ATP8A1: variants seen among roughly 807,000 people sequenced by gnomAD.
The protein encoded by ATP8A1 is ATPase phospholipid transporting 8A1.
Under a neutral mutation model 177.7 loss-of-function variants are expected in ATP8A1, and 90 were observed. That is an observed-to-expected ratio of 0.51 (90% confidence interval 0.43 to 0.60). The LOEUF (loss-of-function observed/expected upper bound fraction) is 0.60. Ranked by LOEUF, ATP8A1 falls within the 20% of genes least tolerant of loss-of-function variation. ATP8A1 has a pLI of 0.00. For synonymous variants in ATP8A1, 493 were observed against 485.9 expected, an observed-to-expected ratio of 1.01 and a Z score of -0.19; for missense variants, 1,072 against 1,392.8, an observed-to-expected ratio of 0.77 and a Z score of 3.67.
chr4:42,461,810 G>C (rs149335983), intron 27 of ATP8A1, among the ~76,000 whole-genome samples: 1 of 152,328 alleles, frequency 6.6e-6, no homozygotes, highest in Non-Finnish European at 1.5e-5. Flanking sequence ...ACTCCCTAGA[G>C]ACTTGTTGAA....
At position 42,565,722 on chromosome 4, in the gene ATP8A1, T is replaced by C. The variant is rs61089129; in HGVS notation, c.1340+3439A>G. 7.0e-3 allele frequency among the ~76,000 whole-genome samples: 1,069 copies of C among 152,350 alleles called. 10 individuals carry two copies. Among genetic ancestry groups the C allele is most frequent in the African/African-American group, 0.025 (1,033 of 41,568 alleles). ...CATAAATGAACTGGTCTTAAGTGCA[T>C]ATTATTGAAGCAGGTGGATCAGTAC... On this transcript the variant is annotated intron_variant, in intron 15 of 36. Coordinates refer to ENST00000381668, the MANE Select transcript of ATP8A1 (RefSeq NM_006095.2).
chr4:42,648,602 T>C (rs1222874132), intron 1 of ATP8A1, among the ~76,000 whole-genome samples: 1 of 151,616 alleles, frequency 6.6e-6, no homozygotes, highest in Non-Finnish European at 1.5e-5. Flanking sequence ...AAAAGAAAAA[T>C]ATAATTGAAA....
intron 20 of ATP8A1, among the ~76,000 whole-genome samples, chr4:42,541,073 C>T (rs878928758): frequency 1.3e-5 from 2 of 152,028 alleles, no homozygotes; most frequent in Admixed American, 1.3e-4. Context: ...TTATAGTGTG[C>T]TATGATCACA....
rs115616791 is a variant in ATP8A1, at chr4:42,449,540, G to C, written c.2896+2441C>G. On this transcript the variant is annotated intron_variant, in intron 30 of 36. Coordinates refer to ENST00000381668, the MANE Select transcript of ATP8A1 (RefSeq NM_006095.2). ...TACACAGCATGTGTAAAGTTCTTCA[G>C]TATCCCCATCCTTTCAGAAATCAAA... 6.5e-3 allele frequency among the ~76,000 whole-genome samples: 996 copies of C among 152,234 alleles called. 19 individuals are homozygous for C. Among genetic ancestry groups the C allele is most frequent in the African/African-American group, 0.022 (928 of 41,520 alleles).
At chr4:42,577,746 G>A (rs1196294920) in intron 12 of ATP8A1, among the ~76,000 whole-genome samples, 2 of 152,084 alleles carry the variant, frequency 1.3e-5, no homozygotes, top group African/African-American at 2.4e-5. Flanking sequence ...TGTTTACAGT[G>A]TAGAAAATAA....
At chr4:42,515,650 C>A (rs774139768) in intron 22 of ATP8A1, among the ~76,000 whole-genome samples, 2 of 152,170 alleles carry the variant, frequency 1.3e-5, no homozygotes, top group Non-Finnish European at 2.9e-5. Context: ...TATCTCAGTG[C>A]CCAGGGCACT....
chr4:42,585,167 C>T (rs938669823), intron 9 of ATP8A1, among the ~76,000 whole-genome samples: 3 of 152,070 alleles, frequency 2.0e-5, no homozygotes, highest in African/African-American at 7.2e-5. Context: ...CTCATCATTG[C>T]TCAAATGTTA....
chr4:42,588,409 C>T, intron 7 of ATP8A1, 80 bp from the exon 8 acceptor site: 2 of 1,169,078 alleles, frequency 1.7e-6, no homozygotes, highest in Non-Finnish European at 2.5e-6. Flanking sequence ...TGCTCAGACT[C>T]ACTAAAGCCT....
intron 33 of ATP8A1, among the ~76,000 whole-genome samples, chr4:42,424,328 A>G (rs900454900): frequency 2.0e-5 from 3 of 152,082 alleles, no homozygotes; most frequent in African/African-American, 7.2e-5. Flanking sequence ...TTTATTTGCA[A>G]TTATAATAAA....
At chr4:42,576,057 T>G (rs1292182212) in intron 12 of ATP8A1, among the ~76,000 whole-genome samples, 1 of 152,162 alleles carries the variant, frequency 6.6e-6, no homozygotes, top group Non-Finnish European at 1.5e-5. Flanking sequence ...GGCAGGTATT[T>G]AGTAATGTGA....
At chr4:42,626,009 T>A (rs1318644591) in intron 2 of ATP8A1, 2 of 193,428 alleles carry the variant, frequency 1.0e-5, no homozygotes, top group East Asian at 2.6e-4. Flanking sequence ...AACTTTGGAG[T>A]TAAAGGGCTC....
At chr4:42,504,552 T>C (rs1217176760) in intron 23 of ATP8A1, among the ~76,000 whole-genome samples, 1 of 152,242 alleles carries the variant, frequency 6.6e-6, no homozygotes, top group Non-Finnish European at 1.5e-5. Context: ...AACAACTTCT[T>C]ACCATTAAAA....
chr4:42,560,631 T>C (rs778153755), intron 15 of ATP8A1, among the ~76,000 whole-genome samples: 14 of 151,976 alleles, frequency 9.2e-5, no homozygotes, highest in Admixed American at 6.6e-5. Flanking sequence ...CATGGTTGTG[T>C]ACACATTTGA....
chr4:42,500,252 C>A (rs1463492214), intron 24 of ATP8A1, among the ~76,000 whole-genome samples: 2 of 152,128 alleles, frequency 1.3e-5, no homozygotes, highest in African/African-American at 4.8e-5. Flanking sequence ...GTGATCCCAG[C>A]TACTCGGGAG....
chr4:42,543,130 TGCATTTCATTGTCTTTAAACCAAG>T (rs1368426592), intron 20 of ATP8A1, among the ~76,000 whole-genome samples: 2 of 152,050 alleles, frequency 1.3e-5, no homozygotes, highest in African/African-American at 4.8e-5. Context: ...ATTCAAAAAT[TGCATTTCATTGTCTTTAAACCAAG>T]GCATTTAACA....
chr4:42,447,711 AAC>A (rs1717439028), intron 30 of ATP8A1, among the ~76,000 whole-genome samples: 2 of 152,224 alleles, frequency 1.3e-5, no homozygotes, highest in African/African-American at 2.4e-5. Context: ...TATGGGATGA[AAC>A]ACAGAGAGTG....
intron 25 of ATP8A1, among the ~76,000 whole-genome samples, chr4:42,478,426 AC>A (rs1288495089): frequency 1.3e-5 from 2 of 152,160 alleles, no homozygotes; most frequent in African/African-American, 4.8e-5. Flanking sequence ...AATTCAATAC[AC>A]ATATGATAGA....
chr4:42,440,835 T>C (rs1216625140), intron 33 of ATP8A1, among the ~76,000 whole-genome samples: 1 of 152,192 alleles, frequency 6.6e-6, no homozygotes, highest in African/African-American at 2.4e-5. Flanking sequence ...ACAGGGCTGC[T>C]ATTCTCTGTC....
chr4:42,453,650 T>G (rs911894869), intron 29 of ATP8A1, among the ~76,000 whole-genome samples: 2 of 152,174 alleles, frequency 1.3e-5, no homozygotes, highest in Admixed American at 1.3e-4. Context: ...CAGGAATGAT[T>G]TGGGGTAATT....
Sources: allele counts gnomAD v4.1 joint callset (sites outside exome capture counted in the v4.1 genomes callset), GRCh38; gene constraint gnomAD v4.1.1; transcripts MANE v1.5; gene names NCBI Gene and HGNC (gene_info 2026-07-23, HGNC 2026-07-21).